Variants in UBAC2 observed in about 807,000 individuals in gnomAD.
UBAC2 encodes UBA domain containing 2, also known as ubiquitin-associated domain-containing protein 2.
UBAC2 carries 26 observed loss-of-function variants against 44.0 expected under a neutral mutation model. The observed-to-expected ratio is 0.59, with a 90% confidence interval of 0.43 to 0.82. The LOEUF is 0.82. Ranked by LOEUF, UBAC2 falls within the 40% of genes least tolerant of loss-of-function variation. The pLI is 0.00. For missense variants in UBAC2, 329 were observed against 419.4 expected (o/e 0.78, Z 1.88); for synonymous variants, 155 against 154.3 (o/e 1.00, Z -0.04).
intron 8 of UBAC2, among the ~76,000 whole-genome samples, chr13:99,375,930 A>C (rs2045474419): frequency 6.8e-6 from 1 of 147,448 alleles, no homozygotes; most frequent in South Asian, 2.1e-4. Flanking sequence ...CTGCCTCCTG[A>C]GTAACTGGGA....
At chr13:99,221,408 T>C (rs768692039) in intron 1 of UBAC2, among the ~76,000 whole-genome samples, 2 of 152,224 alleles carry the variant, frequency 1.3e-5, no homozygotes, top group Non-Finnish European at 2.9e-5. Context: ...GGTGAAAATT[T>C]GTTTGAACCG....
chr13:99,294,623 T>TA (rs2044140462), intron 4 of UBAC2: 1 of 154,386 alleles, frequency 6.5e-6, no homozygotes, highest in Admixed American at 6.5e-5. Context: ...ACATTGGTGT[T>TA]ATTGAGGGAA....
At chr13:99,239,902 T>C (rs1454387410) in intron 2 of UBAC2, among the ~76,000 whole-genome samples, 1 of 151,988 alleles carries the variant, frequency 6.6e-6, no homozygotes, top group Admixed American at 6.6e-5. Flanking sequence ...TAGGGACCAG[T>C]ATTGGGGGCC....
intron 6 of UBAC2, among the ~76,000 whole-genome samples, chr13:99,320,885 C>T (rs2044559168): frequency 6.6e-6 from 1 of 152,230 alleles, no homozygotes. Context: ...CTCAACATGA[C>T]TTCCCCTCTT....
intron 6 of UBAC2, among the ~76,000 whole-genome samples, chr13:99,321,216 A>G (rs1013120057): frequency 6.6e-6 from 1 of 152,254 alleles, no homozygotes; most frequent in African/African-American, 2.4e-5. Flanking sequence ...CTGTCATAGA[A>G]ACCAAAAACT....
rs1489362075 is a variant in UBAC2 at position 99,202,021 on chromosome 13, C to G, written c.31+1082C>G. Among the ~76,000 whole-genome samples, 6 of 144,134 alleles carry G rather than the reference C, an allele frequency of 4.2e-5. No homozygotes were observed. The South Asian group carries it at 1.1e-3, about 26-fold the overall frequency. 94.6% of individuals were successfully genotyped at this position (144,134 alleles called of 152,430 possible). A position where few individuals can be genotyped will look rare whatever the true frequency, so the allele number is the denominator to read the frequency against. On this transcript the variant is annotated intron_variant, in intron 1 of 8. Coordinates refer to ENST00000403766, the MANE Select transcript of UBAC2 (RefSeq NM_001144072.2). ...CCGGGAGGCGGAGCTTGCAGCGAGC[C>G]GAGATTGCGCCACTGCACTTTGGCC...
intron 1 of UBAC2, among the ~76,000 whole-genome samples, chr13:99,213,828 T>C (rs1033770856): frequency 2.0e-5 from 3 of 152,176 alleles, no homozygotes; most frequent in Non-Finnish European, 4.4e-5. Flanking sequence ...TATTTTATTT[T>C]ATTTTATTGT....
At chr13:99,238,122 C>T (rs372866249) in intron 1 of UBAC2, among the ~76,000 whole-genome samples, 1 of 152,212 alleles carries the variant, frequency 6.6e-6, no homozygotes, top group African/African-American at 2.4e-5. Context: ...TTCTCTATTT[C>T]TTTACACTTG....
intron 7 of UBAC2, among the ~76,000 whole-genome samples, chr13:99,365,811 C>G (rs917948538): frequency 1.3e-5 from 2 of 152,148 alleles, no homozygotes; most frequent in Non-Finnish European, 2.9e-5. Flanking sequence ...TCTGGTTGAT[C>G]TATCAGTTAC....
intron 1 of UBAC2, among the ~76,000 whole-genome samples, chr13:99,207,495 C>T (rs978673681): frequency 2.6e-5 from 4 of 152,190 alleles, no homozygotes; most frequent in Admixed American, 2.0e-4. Context: ...TTCTCATCTC[C>T]CTTCACTTTT....
At chr13:99,206,166 G>A (rs566642293) in intron 1 of UBAC2, among the ~76,000 whole-genome samples, 1 of 152,312 alleles carries the variant, frequency 6.6e-6, no homozygotes, top group African/African-American at 2.4e-5. Context: ...TGAGGGGTTT[G>A]CAGAGTCCGG....
In UBAC2 at chr13:99,281,610, A is replaced by G. The variant is rs376546201; in HGVS notation, c.390-32487A>G. ...AACAGGCTCAGAAACCTTCAGCGCT[A>G]TTTTCTATAAATTGATAAAAGAAAA... On this transcript the variant is annotated intron_variant, in intron 4 of 8. Transcript: ENST00000403766. Among the ~76,000 whole-genome samples, 53 of 152,320 alleles carry G rather than the reference A, an allele frequency of 3.5e-4. No individual in the cohort carries two copies. The East Asian group carries it at 7.9e-3, about 23-fold the overall frequency.
At chr13:99,382,783 A>T (rs2045567792) in intron 8 of UBAC2, among the ~76,000 whole-genome samples, 1 of 152,102 alleles carries the variant, frequency 6.6e-6, no homozygotes, top group Non-Finnish European at 1.5e-5. Context: ...CTAGTCTGGG[A>T]GACATGGAAA....
chr13:99,216,007 A>G (rs2042989789), intron 1 of UBAC2, among the ~76,000 whole-genome samples: 1 of 152,182 alleles, frequency 6.6e-6, no homozygotes, highest in Non-Finnish European at 1.5e-5. Flanking sequence ...TTGTTTTGTT[A>G]TAGGTTGGTG....
chr13:99,201,672 T>TA (rs2142625808), intron 1 of UBAC2: 1 of 1,255,836 alleles, frequency 8.0e-7, no homozygotes, highest in East Asian at 2.4e-5. Flanking sequence ...TAGGCACGGG[T>TA]ACAGCAACGG....
chr13:99,349,062 G>C (rs929465578), intron 7 of UBAC2, among the ~76,000 whole-genome samples: 1 of 152,200 alleles, frequency 6.6e-6, no homozygotes, highest in Non-Finnish European at 1.5e-5. Context: ...TGATGAGCTA[G>C]AGCATGCTTA....
chr13:99,365,329 T>C (rs1219468318), intron 7 of UBAC2, among the ~76,000 whole-genome samples: 1 of 152,158 alleles, frequency 6.6e-6, no homozygotes, highest in Non-Finnish European at 1.5e-5. Context: ...CTTTCTACTT[T>C]CTTCTTTCTC....
chr13:99,264,626 G>A (rs1376720921), intron 4 of UBAC2, among the ~76,000 whole-genome samples: 1 of 152,122 alleles, frequency 6.6e-6, no homozygotes, highest in Non-Finnish European at 1.5e-5. Flanking sequence ...TTTCTCTGAT[G>A]GTCACTCTCC....
intron 7 of UBAC2, among the ~76,000 whole-genome samples, chr13:99,365,231 A>G (rs1375466996): frequency 6.6e-6 from 1 of 151,950 alleles, no homozygotes; most frequent in Non-Finnish European, 1.5e-5. Context: ...AGGTTTGCCT[A>G]TTTTATTTGA....
Sources: allele counts gnomAD v4.1 joint callset (sites outside exome capture counted in the v4.1 genomes callset), GRCh38; gene constraint gnomAD v4.1.1; transcripts MANE v1.5; gene names NCBI Gene and HGNC (gene_info 2026-07-23, HGNC 2026-07-21).